The following TUT4 variants were observed in gnomAD, a reference collection of about 807,000 sequenced individuals.
TUT4 encodes the protein terminal uridylyl transferase 4.
Under a neutral mutation model 192.2 loss-of-function variants are expected in TUT4, and 36 were observed. The observed-to-expected ratio is 0.19, with a 90% CI of 0.14 to 0.25. The LOEUF (loss-of-function observed/expected upper bound fraction) is 0.25, where lower values mean the gene tolerates loss of function less well. TUT4 is among the 10% of genes least tolerant of loss of function. TUT4 has a pLI of 1.00. For missense variants in TUT4, 1,493 were observed against 1,957.2 expected, an observed-to-expected ratio of 0.76 and a Z score of 4.47; for synonymous variants, 618 against 666.0, an observed-to-expected ratio of 0.93 and a Z score of 1.11.
chr1:52,471,250 C>G (rs1251920822), intron 14 of TUT4, among the ~76,000 whole-genome samples: 1 of 152,122 alleles, frequency 6.6e-6, no homozygotes, highest in East Asian at 1.9e-4. Flanking sequence ...CTCCTGACCT[C>G]ATGATCGGCC....
At position 52,446,311 on chromosome 1, in the gene TUT4, C is replaced by A; in HGVS notation, c.3645G>T (p.Leu1215Phe). Residue 1215 changes from leucine (L) to phenylalanine (F), a missense_variant, in exon 22 of 30, where the codon TTG becomes TTT. Physicochemically the swap from Leu to Phe is conservative, Grantham distance 22 (BLOSUM62 0). Coordinates refer to ENST00000257177, the MANE Select transcript of TUT4 (RefSeq NM_001009881.3). ...AAGTCCACTGCTTCTCAAAAGTTGT[C>A]AACAGCTTTTTCTGCCGAATGCTAA... ...YVISIRQKKLLTTFEKQWTSK... is the reference protein window; with the variant it reads ...YVISIRQKKLFTTFEKQWTSK... 1 of 1,613,594 alleles carries A rather than the reference C, an allele frequency of 6.2e-7. No homozygotes were observed. The highest frequency in any genetic ancestry group is 8.5e-7 in the Non-Finnish European group (1 of 1,179,816).
At chr1:52,427,298 CAGA>C (rs1432523027) in intron 28 of TUT4, among the ~76,000 whole-genome samples, 2 of 151,922 alleles carry the variant, frequency 1.3e-5, no homozygotes, top group Non-Finnish European at 2.9e-5. Context: ...TGAGGCAGCA[CAGA>C]AGAAGGTGAG....
At chr1:52,486,140 T>C (rs1414767983) in intron 9 of TUT4, among the ~76,000 whole-genome samples, 1 of 152,148 alleles carries the variant, frequency 6.6e-6, no homozygotes, top group East Asian at 1.9e-4. Flanking sequence ...TATAAAGAAC[T>C]GTCAATATAT....
intron 1 of TUT4, among the ~76,000 whole-genome samples, chr1:52,538,367 A>G (rs1259985439): frequency 6.6e-6 from 1 of 152,092 alleles, no homozygotes; most frequent in Non-Finnish European, 1.5e-5. Flanking sequence ...TTGGCAACTG[A>G]GAAAAAAAAA....
chr1:52,468,492 G>C, intron 14 of TUT4: 1 of 441,274 alleles, frequency 2.3e-6, no homozygotes, highest in Non-Finnish European at 4.0e-6. Flanking sequence ...GAAAATAAAT[G>C]AAACAGAAAA....
At chr1:52,494,128 C>A (rs11807950) in intron 6 of TUT4, among the ~76,000 whole-genome samples, 9,300 of 152,076 alleles carry the variant, frequency 0.061, 311 homozygotes, top group South Asian at 0.086. Flanking sequence ...GTCAACAAAT[C>A]TTGTTCAAAG....
chr1:52,529,208 A>C (rs560433083), intron 1 of TUT4, among the ~76,000 whole-genome samples: 1 of 152,260 alleles, frequency 6.6e-6, no homozygotes, highest in South Asian at 2.1e-4. Flanking sequence ...ATTAAAAAAA[A>C]TTTTAAACCA....
At chr1:52,536,277 G>A (rs1009327586) in intron 1 of TUT4, among the ~76,000 whole-genome samples, 5 of 152,180 alleles carry the variant, frequency 3.3e-5, no homozygotes, top group African/African-American at 7.2e-5. Context: ...GAGTATTTGC[G>A]TACTATTTAA....
Position 52,509,586 on chromosome 1 carries a change from A to G in TUT4, c.999+10T>C, listed in dbSNP as rs774790793. The G allele has an allele frequency of 7.3e-7, 1 of 1,368,610 alleles. No individual in the cohort carries two copies. The allele number at this position is 1,368,610 out of a possible 1,614,324, so 84.8% of individuals were successfully genotyped here. ...AAAATAAATAAAAGTATTTTTTAAAAAGAACTTACCAAAATATTTTTCTTA... is the reference window on the plus strand; with the variant it reads ...AAAATAAATAAAAGTATTTTTTAAAGAGAACTTACCAAAATATTTTTCTTA... On this transcript the variant is annotated intron_variant, in intron 4 of 29. Coordinates refer to ENST00000257177, the MANE Select transcript of TUT4 (RefSeq NM_001009881.3).
At position 52,475,542 on chromosome 1, in the gene TUT4, A is replaced by G. The variant is rs780262168; in HGVS notation, c.2024-7T>C. 7.5e-6 allele frequency: 12 copies of G among 1,599,532 alleles called. No individual in the cohort carries two copies. The highest frequency in any genetic ancestry group is 1.3e-5 in the African/African-American group (1 of 74,370). On this transcript the variant is annotated splice_region_variant and splice_polypyrimidine_tract_variant and intron_variant, in intron 12 of 29. Coordinates refer to ENST00000257177, the MANE Select transcript of TUT4 (RefSeq NM_001009881.3). ...CTCTTGACTGAAAATGGATCTAGCAAAAGAGAAAATGGTAAATAGCTAAGT... is the reference window on the plus strand; with the variant it reads ...CTCTTGACTGAAAATGGATCTAGCAGAAGAGAAAATGGTAAATAGCTAAGT...
At chr1:52,480,891 G>A (rs1053803850) in intron 11 of TUT4, among the ~76,000 whole-genome samples, 3 of 152,166 alleles carry the variant, frequency 2.0e-5, no homozygotes, top group Non-Finnish European at 1.5e-5. Flanking sequence ...TATAGCTAGA[G>A]CAATGATTTC....
chr1:52,540,614 TAG>T (rs1038730233), intron 1 of TUT4, among the ~76,000 whole-genome samples: 6 of 152,188 alleles, frequency 3.9e-5, no homozygotes, highest in African/African-American at 9.7e-5. Context: ...TTACTATAAT[TAG>T]AGTCTTGCAG....
intron 4 of TUT4, among the ~76,000 whole-genome samples, chr1:52,498,990 C>A (rs1401948059): frequency 7.9e-6 from 1 of 126,756 alleles, no homozygotes; most frequent in East Asian, 2.4e-4. Flanking sequence ...AAAGATCAAT[C>A]CTAAATGTAC....
intron 28 of TUT4, among the ~76,000 whole-genome samples, chr1:52,430,417 G>A (rs567800164): frequency 6.6e-6 from 1 of 152,202 alleles, no homozygotes; most frequent in East Asian, 1.9e-4. Flanking sequence ...CACATAGTTG[G>A]GATTACAGGC....
intron 12 of TUT4, 149 bp from the exon 13 acceptor site, chr1:52,475,684 G>A (rs1666897625): frequency 3.0e-6 from 2 of 670,330 alleles, no homozygotes; most frequent in Admixed American, 3.3e-5. Context: ...GAAAGTTCCT[G>A]AAAATGGGAG....
At chr1:52,466,784 C>T (rs1664335249) in intron 15 of TUT4, among the ~76,000 whole-genome samples, 2 of 151,318 alleles carry the variant, frequency 1.3e-5, no homozygotes, top group African/African-American at 2.4e-5. Context: ...GATTCTCCTG[C>T]CTCAGCCTGA....
At chr1:52,531,106 AAAT>A (rs1485686384) in intron 1 of TUT4, among the ~76,000 whole-genome samples, 1 of 152,230 alleles carries the variant, frequency 6.6e-6, no homozygotes, top group African/African-American at 2.4e-5. Context: ...TCATGGAAAA[AAAT>A]ATTATCAGAA....
intron 6 of TUT4, among the ~76,000 whole-genome samples, chr1:52,494,415 G>A (rs1671946438): frequency 6.6e-6 from 1 of 152,190 alleles, no homozygotes; most frequent in African/African-American, 2.4e-5. Context: ...ATTTAGGCCA[G>A]GTGCGGTGGC....
At chr1:52,472,836 C>A (rs1666129489) in intron 13 of TUT4, among the ~76,000 whole-genome samples, 1 of 152,004 alleles carries the variant, frequency 6.6e-6, no homozygotes, top group African/African-American at 2.4e-5. Flanking sequence ...ATACTCTTTT[C>A]TTTATTGTAA....
Sources: allele counts gnomAD v4.1 joint callset (sites outside exome capture counted in the v4.1 genomes callset), GRCh38; gene constraint gnomAD v4.1.1; transcripts MANE v1.5; gene names NCBI Gene and HGNC (gene_info 2026-07-23, HGNC 2026-07-21).